Variants in PSMA1 observed in about 807,000 individuals in gnomAD.
The protein encoded by PSMA1 is proteasome subunit alpha type-1.
A neutral mutation model predicts 38.4 loss-of-function variants in PSMA1; 3 were observed. That is an observed-to-expected ratio of 0.08 (90% CI 0.04 to 0.20). PSMA1 has a LOEUF of 0.20. PSMA1 is among the 10% of genes least tolerant of loss of function. The pLI is 1.00. For synonymous variants in PSMA1, 101 were observed against 107.1 expected (o/e 0.94, Z 0.35); for missense variants, 227 against 325.3 (o/e 0.70, Z 2.32).
At chr11:14,584,936 C>T (rs180714714) in intron 2 of PSMA1, among the ~76,000 whole-genome samples, 1 of 152,318 alleles carries the variant, frequency 6.6e-6, no homozygotes, top group East Asian at 1.9e-4. Flanking sequence ...GGACTGGAAT[C>T]ATTTACTGTA....
intron 2 of PSMA1, among the ~76,000 whole-genome samples, chr11:14,577,669 A>G (rs1204318112): frequency 2.0e-5 from 3 of 152,200 alleles, no homozygotes; most frequent in Non-Finnish European, 4.4e-5. Context: ...AAATGTAGGT[A>G]TTATTACAAC....
At chr11:14,594,284 C>T (rs999401211) in intron 2 of PSMA1, among the ~76,000 whole-genome samples, 1 of 152,164 alleles carries the variant, frequency 6.6e-6, no homozygotes, top group African/African-American at 2.4e-5. Context: ...CCCCTCATAT[C>T]CCCTCCATAT....
At chr11:14,507,195 GTCTC>G (rs971187986) in intron 9 of PSMA1, among the ~76,000 whole-genome samples, 1 of 150,866 alleles carries the variant, frequency 6.6e-6, no homozygotes, top group Non-Finnish European at 1.5e-5. Context: ...TTGAGACAGA[GTCTC>G]TCTCTGTCGC....
intron 1 of PSMA1, among the ~76,000 whole-genome samples, chr11:14,643,290 T>G (rs1488988830): frequency 1.3e-5 from 2 of 151,908 alleles, no homozygotes; most frequent in Non-Finnish European, 2.9e-5. Flanking sequence ...GGTCACAGTC[T>G]GAAGACCCAC....
chr11:14,536,483 T>A (rs927982150), intron 2 of PSMA1, among the ~76,000 whole-genome samples: 2 of 151,682 alleles, frequency 1.3e-5, no homozygotes, highest in African/African-American at 4.8e-5. Context: ...GCAGAGATCT[T>A]GCCACTGCAC....
At chr11:14,509,037 C>T (rs1397178566) in intron 8 of PSMA1, among the ~76,000 whole-genome samples, 1 of 152,142 alleles carries the variant, frequency 6.6e-6, no homozygotes, top group Non-Finnish European at 1.5e-5. Flanking sequence ...CTCTAAATGC[C>T]ATTTCTATAT....
intron 2 of PSMA1, among the ~76,000 whole-genome samples, chr11:14,606,249 C>T (rs1590008420): frequency 6.6e-6 from 1 of 151,970 alleles, no homozygotes; most frequent in African/African-American, 2.4e-5. Context: ...GTTTCTGTAC[C>T]AGTACCATGC....
Position 14,630,149 on chromosome 11 carries a change from C to G in PSMA1, c.-166+13306G>C, listed in dbSNP as rs1185538482. ...ACTTCCTCTTTTCCTAATTGAATAC[C>G]CTTTATTTCCTTCTCCTGCCTAATT... On this transcript the variant is annotated intron_variant, in intron 1 of 10. Coordinates refer to the PSMA1 transcript ENST00000418988. 1.4e-4 allele frequency among the ~76,000 whole-genome samples: 21 copies of G among 151,966 alleles called. No individual in the cohort carries two copies. The East Asian group carries it at 1.5e-3, about 11-fold the overall frequency.
intron 2 of PSMA1, among the ~76,000 whole-genome samples, chr11:14,540,160 G>C (rs759143244): frequency 1.3e-5 from 2 of 152,158 alleles, no homozygotes; most frequent in Non-Finnish European, 2.9e-5. Context: ...TCACTCCCTT[G>C]TTTTCAGCTT....
chr11:14,517,993 A>C lies in PSMA1; in HGVS notation c.49-12T>G, dbSNP rs2134150101. ...TGATGAATCCTGCCCTAAAGAAAAA[A>C]AAAACAAAAAACACACATCTTAGAA... On this transcript the variant is annotated splice_polypyrimidine_tract_variant and intron_variant, in intron 2 of 9. Transcript: ENST00000396394. The C allele has an allele frequency of 6.6e-7, 1 of 1,525,394 alleles. No individual in the cohort carries two copies. The highest frequency in any genetic ancestry group is 1.2e-5 in the South Asian group (1 of 82,660). 94.5% of individuals were successfully genotyped at this position (1,525,394 alleles called of 1,614,324 possible). A position where few individuals can be genotyped will look rare whatever the true frequency, so the allele number is the denominator to read the frequency against.
intron 7 of PSMA1, among the ~76,000 whole-genome samples, chr11:14,511,218 T>C (rs889352784): frequency 1.3e-5 from 2 of 152,360 alleles, no homozygotes; most frequent in East Asian, 3.9e-4. Context: ...ATCCCGACTA[T>C]AAATTATACA....
At chr11:14,561,809 TTAAACTAAACTAAAC>T (rs71044010) in intron 2 of PSMA1, among the ~76,000 whole-genome samples, 2,929 of 147,912 alleles carry the variant, frequency 0.02, 39 homozygotes, top group African/African-American at 0.04. Flanking sequence ...CTAAACTAAA[TTAAACTAAACTAAAC>T]TAAACTAAAC....
upstream of PSMA1, chr11:14,520,457 A>C (rs1851510262): frequency 1.3e-6 from 2 of 1,558,412 alleles, no homozygotes; most frequent in African/African-American, 2.7e-5. Flanking sequence ...ATAGGCTTGC[A>C]ACACTTCCCC....
At chr11:14,614,571 C>T (rs372354101) in intron 1 of PSMA1, among the ~76,000 whole-genome samples, 1 of 152,126 alleles carries the variant, frequency 6.6e-6, no homozygotes, top group African/African-American at 2.4e-5. Context: ...CAGTCTCACA[C>T]AAAGCTACTC....
intron 2 of PSMA1, chr11:14,610,875 G>A: frequency 7.6e-7 from 1 of 1,312,352 alleles, no homozygotes; most frequent in East Asian, 2.4e-5. Flanking sequence ...TTTCTCACAT[G>A]CTCCTCTAGG....
At chr11:14,521,918 CTAAAT>C (rs2134154106), upstream of PSMA1, among the ~76,000 whole-genome samples, 1 of 152,256 alleles carries the variant, frequency 6.6e-6, no homozygotes, top group South Asian at 2.1e-4. Context: ...ATTTGGTGGA[CTAAAT>C]TAACAGATTA....
rs776935096 is a variant in PSMA1, at chr11:14,517,672, G to A, written c.224C>T (p.Ala75Val). The change falls in exon 4 of 10, where the codon GCG (alanine) becomes GTG (valine). Residue 75 changes from alanine (A) to valine (V), a missense_variant. Coordinates refer to ENST00000396394, the MANE Select transcript of PSMA1 (RefSeq NM_002786.4). ...HVDNHIGISI[A>V]GLTADARLLC... is the part of the protein sequence containing the mutation. ...CAGTCTAGCATCAGCAGTAAGCCCC[G>A]CAATTGAGATACCAATATGGTTGTC... is the stretch of plus-strand genomic sequence containing the variant. 3 of 1,603,798 alleles carry A rather than the reference G, an allele frequency of 1.9e-6. No individual in the cohort carries two copies. Among genetic ancestry groups the A allele is most frequent in the Non-Finnish European group, 2.5e-6 (3 of 1,177,394 alleles).
At chr11:14,541,617 C>A (rs570749358) in intron 2 of PSMA1, among the ~76,000 whole-genome samples, 1 of 152,334 alleles carries the variant, frequency 6.6e-6, no homozygotes, top group East Asian at 1.9e-4. Flanking sequence ...CTCTTTTCCC[C>A]CACATTCTTG....
At chr11:14,536,320 A>G (rs1334916592) in intron 2 of PSMA1, among the ~76,000 whole-genome samples, 2 of 152,130 alleles carry the variant, frequency 1.3e-5, no homozygotes, top group Non-Finnish European at 2.9e-5. Flanking sequence ...TGCGGTCAAG[A>G]ATTCGAAACC....
Sources: allele counts gnomAD v4.1 joint callset (sites outside exome capture counted in the v4.1 genomes callset), GRCh38; gene constraint gnomAD v4.1.1; transcripts MANE v1.5; gene names NCBI Gene and HGNC (gene_info 2026-07-23, HGNC 2026-07-21).